Variants in CPO observed in about 807,000 individuals in gnomAD.
CPO encodes carboxypeptidase O, also known as metallocarboxypeptidase C.
CPO carries 43 observed loss-of-function variants against 41.2 expected under a neutral mutation model. The ratio of observed to expected loss-of-function variants is 1.04; its 90% confidence interval spans 0.82 to 1.35. The LOEUF is 1.35. Ranked by LOEUF, CPO falls within the 40% of genes most tolerant of loss-of-function variation. The pLI, the probability that CPO is intolerant of heterozygous loss-of-function variation, is 0.00. For missense variants in CPO, 408 were observed against 451.7 expected, an observed-to-expected ratio of 0.90 and a Z score of 0.88; for synonymous variants, 178 against 162.7, an observed-to-expected ratio of 1.09 and a Z score of -0.72.
At chr2:206,941,776 A>C (rs541209195) in intron 1 of CPO, among the ~76,000 whole-genome samples, 113 of 152,290 alleles carry the variant, frequency 7.4e-4, no homozygotes, top group South Asian at 1.4e-3. Context: ...ATAGTCTAGA[A>C]AATTTAAAAT....
chr2:206,962,228 C>T (rs1693494154), intron 6 of CPO, among the ~76,000 whole-genome samples, 184 bp from the exon 7 acceptor site: 1 of 152,000 alleles, frequency 6.6e-6, no homozygotes, highest in African/African-American at 2.4e-5. Flanking sequence ...ATTCTGAGTT[C>T]CTTCTAGAAT....
At chr2:206,955,665 T>C (rs767701094) in intron 3 of CPO, 101 bp downstream of exon 3, 9 of 758,252 alleles carry the variant, frequency 1.2e-5, no homozygotes, top group South Asian at 3.0e-5. Context: ...AAAGAGGCTA[T>C]GCAGAATCAG....
At chr2:206,948,543 T>A (rs1319891437) in intron 1 of CPO, among the ~76,000 whole-genome samples, 1 of 152,116 alleles carries the variant, frequency 6.6e-6, no homozygotes, top group Non-Finnish European at 1.5e-5. Context: ...GCAGGAGGAT[T>A]GCTTGAGGCC....
chr2:206,959,503 A>C lies in CPO; in HGVS notation c.373-128A>C, dbSNP rs1693438379. The C allele has an allele frequency of 1.0e-5, 6 of 597,190 alleles. No individual in the cohort carries two copies. The South Asian group carries it at 1.3e-4, about 13-fold the overall frequency. The allele number at this position is 597,190 out of a possible 1,614,324, so 37.0% of individuals were successfully genotyped here. Reference sequence around the variant, plus strand: ...CAACTACTGTAATAAGACACGGAGGAGGGCTTGGGGACTGGAGGGTGGAGG... The same window carrying C: ...CAACTACTGTAATAAGACACGGAGGCGGGCTTGGGGACTGGAGGGTGGAGG... On this transcript the variant is annotated intron_variant, in intron 4 of 8. Coordinates refer to ENST00000272852, the MANE Select transcript of CPO (RefSeq NM_173077.3).
chr2:206,962,360 A>G (rs369572093), intron 6 of CPO, 52 bp from the exon 7 acceptor site: 5 of 1,545,662 alleles, frequency 3.2e-6, no homozygotes, highest in Non-Finnish European at 4.5e-6. Flanking sequence ...GCCATTGGTC[A>G]TTTCCAAACT....
intron 4 of CPO, among the ~76,000 whole-genome samples, chr2:206,959,145 A>G (rs1693431369): frequency 6.6e-6 from 1 of 152,148 alleles, no homozygotes; most frequent in Admixed American, 6.5e-5. Flanking sequence ...AGCACAGTGA[A>G]TTTTTGTGTA....
intron 5 of CPO, among the ~76,000 whole-genome samples, chr2:206,960,201 C>A (rs1693452086): frequency 6.6e-6 from 1 of 152,292 alleles, no homozygotes; most frequent in East Asian, 1.9e-4. Context: ...ATGCAGCAGA[C>A]AACTGTCTCT....
intron 6 of CPO, among the ~76,000 whole-genome samples, chr2:206,962,175 G>A (rs1165112961): frequency 1.3e-5 from 2 of 151,326 alleles, no homozygotes; most frequent in African/African-American, 4.9e-5. Flanking sequence ...GGCCATGGAA[G>A]CATGGAGTTT....
Position 206,957,344 on chromosome 2 carries a change from C to A in CPO, c.268-957C>A, listed in dbSNP as rs189997211. Among the ~76,000 whole-genome samples, 71 of 151,234 alleles carry A rather than the reference C, an allele frequency of 4.7e-4. No homozygotes were observed. The East Asian group carries it at 0.014, about 29-fold the overall frequency. ...TGAGCCGAGATCATGCCACAGCACT[C>A]CAGCCTGGGTGACAGAGCGAGACTC... On this transcript the variant is annotated intron_variant, in intron 3 of 8. Coordinates refer to ENST00000272852, the MANE Select transcript of CPO (RefSeq NM_173077.3).
intron 1 of CPO, among the ~76,000 whole-genome samples, chr2:206,947,985 A>T (rs1006390580): frequency 6.6e-6 from 1 of 152,256 alleles, no homozygotes; most frequent in African/African-American, 2.4e-5. Flanking sequence ...TGAGAATTCA[A>T]AATGGTACAG....
At chr2:206,955,182 T>C (rs1446807920) in intron 2 of CPO, among the ~76,000 whole-genome samples, 1 of 152,258 alleles carries the variant, frequency 6.6e-6, no homozygotes, top group Non-Finnish European at 1.5e-5. Flanking sequence ...TGTACTGTTA[T>C]ACAATATTTC....
chr2:206,943,701 TAGATA>T (rs1408981673), intron 1 of CPO, among the ~76,000 whole-genome samples: 48 of 126,444 alleles, frequency 3.8e-4, no homozygotes, highest in Non-Finnish European at 7.1e-4. Context: ...GATAGATAGA[TAGATA>T]GATAGATAGA....
At chr2:206,954,685 T>C (rs868813034) in intron 2 of CPO, among the ~76,000 whole-genome samples, 3 of 152,160 alleles carry the variant, frequency 2.0e-5, no homozygotes, top group Admixed American at 6.5e-5. Flanking sequence ...TAGTAGTCCA[T>C]TTTCATAATG....
chr2:206,951,168 A>G (rs1212799595), intron 2 of CPO, among the ~76,000 whole-genome samples: 1 of 152,190 alleles, frequency 6.6e-6, no homozygotes, highest in Non-Finnish European at 1.5e-5. Flanking sequence ...TATACCTTAC[A>G]ACTACACCCT....
intron 1 of CPO, among the ~76,000 whole-genome samples, chr2:206,946,959 A>C (rs889626194): frequency 2.0e-5 from 3 of 152,216 alleles, no homozygotes; most frequent in Admixed American, 1.3e-4. Flanking sequence ...GAGATCAAAG[A>C]AGAACTAAAT....
chr2:206,969,023 CAAG>C (rs1383777098), intron 8 of CPO, 148 bp from the exon 9 acceptor site: 1 of 801,640 alleles, frequency 1.2e-6, no homozygotes, highest in Non-Finnish European at 2.0e-6. Context: ...GGCTTACAAC[CAAG>C]AAGAAAGAGA....
Position 206,955,965 on chromosome 2 carries a change from A to G in CPO, c.267+401A>G, listed in dbSNP as rs543279131. 2.0e-5 allele frequency among the ~76,000 whole-genome samples: 3 copies of G among 152,302 alleles called. No homozygotes were observed. The East Asian group carries it at 5.8e-4, about 29-fold the overall frequency. On this transcript the variant is annotated intron_variant, in intron 3 of 8. Coordinates refer to ENST00000272852, the MANE Select transcript of CPO (RefSeq NM_173077.3). The stretch of plus-strand genomic sequence containing the variant: ...AAAGAAAAATGTTTAAAAACCACAG[A>G]TAATCTTCATTTTTAGCTTCTTCCT...
intron 2 of CPO, among the ~76,000 whole-genome samples, chr2:206,950,997 T>C (rs1693251230): frequency 6.6e-6 from 1 of 151,698 alleles, no homozygotes; most frequent in South Asian, 2.1e-4. Context: ...AGTTGATGGG[T>C]GAAGCAAACG....
At chr2:206,962,674 T>C in intron 7 of CPO, 60 bp downstream of exon 7, 2 of 1,395,080 alleles carry the variant, frequency 1.4e-6, no homozygotes, top group Non-Finnish European at 2.0e-6. Context: ...CCTTCCTTTT[T>C]CTGATTTCCA....
Sources: allele counts gnomAD v4.1 joint callset (sites outside exome capture counted in the v4.1 genomes callset), GRCh38; gene constraint gnomAD v4.1.1; transcripts MANE v1.5; gene names NCBI Gene and HGNC (gene_info 2026-07-23, HGNC 2026-07-21).